The following LMBRD1 variants were observed in gnomAD, a reference collection of about 807,000 sequenced individuals.
LMBRD1 encodes the protein lysosomal cobalamin transport escort protein LMBD1.
In LMBRD1, 64 loss-of-function variants were observed where a neutral mutation model predicts 74.8. The ratio of observed to expected loss-of-function variants is 0.86; its 90% CI spans 0.70 to 1.05. The LOEUF (loss-of-function observed/expected upper bound fraction) is 1.05. Ranked by LOEUF, LMBRD1 falls within the 50% of genes least tolerant of loss-of-function variation. The pLI, the probability that LMBRD1 is intolerant of heterozygous loss-of-function variation, is 0.00. For missense variants in LMBRD1, 652 were observed against 645.9 expected (o/e 1.01, Z -0.10); for synonymous variants, 204 against 216.3 (o/e 0.94, Z 0.50).
At position 69,784,943 on chromosome 6, in the gene LMBRD1, C is replaced by T. The variant is rs189741736; in HGVS notation, c.247-4389G>A. On this transcript the variant is annotated intron_variant, in intron 2 of 15. Transcript: ENST00000649934. ...TAAAAACACCTCCATTAACCCACTT[C>T]TCACTTTCGTAGAGAACAAAAACTT... Among the ~76,000 whole-genome samples, 611 of 152,278 alleles carry T rather than the reference C, an allele frequency of 4.0e-3. 2 individuals are homozygous for T. Among genetic ancestry groups the T allele is most frequent in the Non-Finnish European group, 6.7e-3 (453 of 68,010 alleles).
chr6:69,728,933 T>C (rs1766794118), intron 7 of LMBRD1, among the ~76,000 whole-genome samples: 1 of 152,162 alleles, frequency 6.6e-6, no homozygotes, highest in Non-Finnish European at 1.5e-5. Context: ...CAATTCTACT[T>C]GTTCCCAACC....
intron 14 of LMBRD1, among the ~76,000 whole-genome samples, chr6:69,692,744 T>A (rs1765917633): frequency 6.6e-6 from 1 of 152,116 alleles, no homozygotes; most frequent in Non-Finnish European, 1.5e-5. Context: ...ACCATCTCCT[T>A]TTGCTTTACC....
At position 69,768,936 on chromosome 6, in the gene LMBRD1, T is replaced by C. The variant is rs564754978; in HGVS notation, c.307+11558A>G. On this transcript the variant is annotated intron_variant, in intron 3 of 15. Transcript: ENST00000649934. ...CACTAATCATAAAGATGCTGTTATG[T>C]AATTTTTTGGCTGCTTTTAAATTTT... 2.8e-4 allele frequency among the ~76,000 whole-genome samples: 42 copies of C among 152,260 alleles called. 1 individual carries two copies. The highest frequency in any genetic ancestry group is 6.2e-4 in the South Asian group (3 of 4,824).
intron 3 of LMBRD1, among the ~76,000 whole-genome samples, chr6:69,763,960 T>C (rs1765426238): frequency 6.6e-6 from 1 of 152,208 alleles, no homozygotes; most frequent in Non-Finnish European, 1.5e-5. Context: ...AGAAGAATTA[T>C]GACTCAGGAT....
At chr6:69,679,353 T>C (rs1765614944) in intron 14 of LMBRD1, among the ~76,000 whole-genome samples, 1 of 152,148 alleles carries the variant, frequency 6.6e-6, no homozygotes, top group Non-Finnish European at 1.5e-5. Context: ...GACTCCTGGA[T>C]AGAAAATTTG....
intron 14 of LMBRD1, among the ~76,000 whole-genome samples, chr6:69,688,804 G>A (rs142208165): frequency 0.013 from 1,997 of 151,982 alleles, 15 homozygotes; most frequent in Non-Finnish European, 0.021. Context: ...TTCAGATTTT[G>A]TTTATGCACG....
rs1157006012 is a variant in LMBRD1 at position 69,681,712 on chromosome 6, C to CTTAGAAGCCTAGACTAT, written c.1418-5188_1418-5172dup. Among the ~76,000 whole-genome samples, 46 of 151,932 alleles carry CTTAGAAGCCTAGACTAT rather than the reference C, an allele frequency of 3.0e-4. 1 individual carries two copies. Among genetic ancestry groups the CTTAGAAGCCTAGACTAT allele is most frequent in the Non-Finnish European group, 4.9e-4 (33 of 67,824 alleles). On this transcript the variant is annotated intron_variant, in intron 14 of 15. Coordinates refer to ENST00000649934, the MANE Select transcript of LMBRD1 (RefSeq NM_018368.4). The stretch of plus-strand genomic sequence containing the variant: ...TTTATTTGACTAGTGACCAAAAAAA[C>CTTAGAAGCCTAGACTAT]TTAGAAGCCTAGACTATTTAGAAGC...
intron 9 of LMBRD1, among the ~76,000 whole-genome samples, chr6:69,709,283 T>A (rs1766332431): frequency 6.6e-6 from 1 of 151,980 alleles, no homozygotes; most frequent in South Asian, 2.1e-4. Flanking sequence ...GGCTTCCTAT[T>A]TCTGAATTAC....
chr6:69,749,241 T>A, intron 5 of LMBRD1, 100 bp downstream of exon 5: 2 of 919,210 alleles, frequency 2.2e-6, no homozygotes, highest in South Asian at 3.1e-5. Flanking sequence ...TTTTCTTACA[T>A]TTTTTTCTTT....
chr6:69,729,698 G>T (rs1365175204), intron 7 of LMBRD1, among the ~76,000 whole-genome samples: 1 of 151,794 alleles, frequency 6.6e-6, no homozygotes, highest in Non-Finnish European at 1.5e-5. Flanking sequence ...AAAGTTTCTG[G>T]TAACAACTTG....
At chr6:69,730,391 A>T (rs1415799494) in intron 7 of LMBRD1, among the ~76,000 whole-genome samples, 2 of 152,134 alleles carry the variant, frequency 1.3e-5, no homozygotes, top group Non-Finnish European at 2.9e-5. Flanking sequence ...AAAGATGTAC[A>T]TGTTATTATG....
intron 3 of LMBRD1, 110 bp from the exon 4 acceptor site, chr6:69,752,466 T>G: frequency 1.2e-6 from 1 of 856,778 alleles, no homozygotes; most frequent in Non-Finnish European, 1.9e-6. Context: ...CCCTATCTGA[T>G]TCCCTCTTCT....
intron 7 of LMBRD1, among the ~76,000 whole-genome samples, chr6:69,724,678 G>C (rs1034729009): frequency 3.3e-5 from 5 of 151,260 alleles, no homozygotes; most frequent in Admixed American, 6.6e-5. Context: ...ATCCTTTCAA[G>C]ATAAAAACCC....
At chr6:69,678,031 A>G (rs1765583426) in intron 14 of LMBRD1, among the ~76,000 whole-genome samples, 1 of 152,136 alleles carries the variant, frequency 6.6e-6, no homozygotes. Context: ...AGAGTTGCCA[A>G]CCACCACACA....
chr6:69,748,725 T>C (rs964647740), intron 5 of LMBRD1, among the ~76,000 whole-genome samples: 1 of 152,044 alleles, frequency 6.6e-6, no homozygotes, highest in Non-Finnish European at 1.5e-5. Flanking sequence ...ATAAATGTCT[T>C]CCATTAACAA....
intron 2 of LMBRD1, among the ~76,000 whole-genome samples, chr6:69,786,093 T>C (rs1379759104): frequency 1.3e-5 from 2 of 152,232 alleles, no homozygotes; most frequent in Non-Finnish European, 2.9e-5. Context: ...CTTATCTTAT[T>C]TGTTGATTAT....
chr6:69,780,396 C>A (rs369429681), intron 3 of LMBRD1, 98 bp downstream of exon 3: 5 of 883,266 alleles, frequency 5.7e-6, no homozygotes, highest in Admixed American at 5.3e-5. Flanking sequence ...TTTTCTAATT[C>A]GACCCAAGAG....
chr6:69,687,365 T>C (rs1326341627), intron 14 of LMBRD1, among the ~76,000 whole-genome samples: 3 of 152,196 alleles, frequency 2.0e-5, no homozygotes, highest in Non-Finnish European at 4.4e-5. Context: ...TCACCTGACA[T>C]ATTTATTTGT....
chr6:69,785,985 C>T (rs1463058296), intron 2 of LMBRD1, among the ~76,000 whole-genome samples: 2 of 152,192 alleles, frequency 1.3e-5, no homozygotes, highest in South Asian at 2.1e-4. Context: ...GAAACCTCAG[C>T]AGTTTTGCCT....
Sources: gnomAD v4.1 joint callset for allele counts (sites outside exome capture counted in the v4.1 genomes callset) on GRCh38, gnomAD v4.1.1 for gene constraint, MANE v1.5 for transcripts, NCBI Gene and HGNC (gene_info 2026-07-23, HGNC 2026-07-21) for gene names.